The following NPAS2 variants were observed in gnomAD, a reference collection of about 807,000 sequenced individuals.
NPAS2 encodes neuronal PAS domain-containing protein 2.
A neutral mutation model predicts 107.5 loss-of-function variants in NPAS2; 23 were observed. That is an observed-to-expected ratio of 0.21 (90% CI 0.15 to 0.30). NPAS2 has a LOEUF of 0.30. Among genes scored for constraint, NPAS2 ranks in the 10% least tolerant of loss-of-function variants. The pLI is 1.00. For synonymous variants in NPAS2, 403 were observed against 417.5 expected (o/e 0.97, Z 0.42); for missense variants, 756 against 1,043.3 (o/e 0.72, Z 3.79).
At chr2:100,990,555 T>C in intron 18 of NPAS2, 109 bp downstream of exon 18, 1 of 1,235,110 alleles carries the variant, frequency 8.1e-7, no homozygotes, top group Non-Finnish European at 1.2e-6. Context: ...GATTCTAAAG[T>C]GTCCACAGTT....
At chr2:100,911,132 T>C (rs902628837) in intron 2 of NPAS2, among the ~76,000 whole-genome samples, 2 of 152,224 alleles carry the variant, frequency 1.3e-5, no homozygotes, top group Non-Finnish European at 2.9e-5. Flanking sequence ...TCTCAGCACA[T>C]TAAAGATGCT....
At chr2:100,977,593 G>A in intron 14 of NPAS2, 117 bp from the exon 15 acceptor site, 1 of 814,714 alleles carries the variant, frequency 1.2e-6, no homozygotes, top group Non-Finnish European at 2.1e-6. Flanking sequence ...TAGAACTCTT[G>A]ACTTGGAGCT....
chr2:100,988,066 A>C lies in NPAS2; in HGVS notation c.1630-13A>C, dbSNP rs375730402. 8 of 1,613,096 alleles carry C rather than the reference A, an allele frequency of 5.0e-6. No homozygotes were observed. Among genetic ancestry groups the C allele is most frequent in the Non-Finnish European group, 6.8e-6 (8 of 1,179,248 alleles). The stretch of plus-strand genomic sequence containing the variant: ...TGACCCCAACTTCACAGGCATTTCT[A>C]TTCTGCTCCCAGATGTTCCTGCAGC... On this transcript the variant is annotated splice_polypyrimidine_tract_variant and intron_variant, in intron 16 of 20. Coordinates refer to ENST00000335681, the MANE Select transcript of NPAS2 (RefSeq NM_002518.4).
In NPAS2 at chr2:100,833,909, G is replaced by A. The variant is rs116115067; in HGVS notation, c.-23+13495G>A. 7.3e-3 allele frequency among the ~76,000 whole-genome samples: 1,110 copies of A among 152,232 alleles called. 15 individuals are homozygous for A. Among genetic ancestry groups the A allele is most frequent in the African/African-American group, 0.026 (1,071 of 41,538 alleles). ...TCCCCTGAAGAATAAGGATCACCTG[G>A]TTTTCAACGGAACCAGGAGTTTATT... is the stretch of plus-strand genomic sequence containing the variant. On this transcript the variant is annotated intron_variant, in intron 1 of 20. Transcript: ENST00000335681.
intron 7 of NPAS2, among the ~76,000 whole-genome samples, chr2:100,961,126 ATTCT>A (rs1473189942): frequency 1.3e-5 from 2 of 152,186 alleles, no homozygotes; most frequent in East Asian, 3.9e-4. Flanking sequence ...AATTAGATAT[ATTCT>A]TTCTATTACT....
At chr2:100,929,250 A>G (rs771968709) in intron 3 of NPAS2, among the ~76,000 whole-genome samples, 4 of 152,160 alleles carry the variant, frequency 2.6e-5, no homozygotes, top group Non-Finnish European at 5.9e-5. Flanking sequence ...TGAGACACAC[A>G]AGGTCAAGTC....
intron 1 of NPAS2, among the ~76,000 whole-genome samples, chr2:100,867,177 G>A (rs943322571): frequency 2.0e-5 from 3 of 151,948 alleles, no homozygotes; most frequent in African/African-American, 7.3e-5. Flanking sequence ...CCCATTATTG[G>A]GTATAATATT....
chr2:100,937,619 G>A (rs779431133), intron 4 of NPAS2, 134 bp from the exon 5 acceptor site: 46 of 721,562 alleles, frequency 6.4e-5, no homozygotes, highest in African/African-American at 1.2e-4. Flanking sequence ...AAGAAGTGCC[G>A]TGAGGTTATT....
chr2:100,918,569 C>G (rs956240687), intron 2 of NPAS2, among the ~76,000 whole-genome samples: 5 of 152,006 alleles, frequency 3.3e-5, no homozygotes, highest in Admixed American at 2.6e-4. Context: ...AATAGACAAC[C>G]CAATTTTAAA....
chr2:100,970,717 G>C (rs1372758542), intron 11 of NPAS2: 1 of 348,838 alleles, frequency 2.9e-6, no homozygotes, highest in African/African-American at 2.1e-5. Context: ...AGATTTCAGG[G>C]AAGTAAAAAG....
At chr2:100,893,469 T>C (rs1178718892) in intron 1 of NPAS2, among the ~76,000 whole-genome samples, 1 of 152,164 alleles carries the variant, frequency 6.6e-6, no homozygotes, top group African/African-American at 2.4e-5. Context: ...CCAGCTAACT[T>C]GGGACCTGTA....
At chr2:100,954,404 C>A (rs1160999391) in intron 7 of NPAS2, among the ~76,000 whole-genome samples, 2 of 152,132 alleles carry the variant, frequency 1.3e-5, no homozygotes, top group Non-Finnish European at 2.9e-5. Flanking sequence ...GTGGCTCACA[C>A]CTGTAATCTC....
At chr2:100,969,251 T>C (rs1676407456) in intron 11 of NPAS2, among the ~76,000 whole-genome samples, 1 of 152,086 alleles carries the variant, frequency 6.6e-6, no homozygotes, top group Non-Finnish European at 1.5e-5. Context: ...TAGGTATATA[T>C]GTGCCATGGT....
At chr2:100,832,472 G>A (rs1156427223) in intron 1 of NPAS2, among the ~76,000 whole-genome samples, 1 of 152,196 alleles carries the variant, frequency 6.6e-6, no homozygotes, top group Non-Finnish European at 1.5e-5. Flanking sequence ...GGTGCTCTGT[G>A]AAAAATGGGG....
chr2:100,845,328 T>C (rs1446685765), intron 1 of NPAS2, among the ~76,000 whole-genome samples: 1 of 152,162 alleles, frequency 6.6e-6, no homozygotes, highest in African/African-American at 2.4e-5. Flanking sequence ...GCAGGCTGGC[T>C]CCATGCTGAT....
At chr2:100,840,513 G>A (rs1010786715) in intron 1 of NPAS2, among the ~76,000 whole-genome samples, 1 of 152,050 alleles carries the variant, frequency 6.6e-6, no homozygotes, top group Non-Finnish European at 1.5e-5. Flanking sequence ...TAAATCCACT[G>A]TGTTCACAGA....
intron 3 of NPAS2, among the ~76,000 whole-genome samples, chr2:100,925,531 C>CGAA (rs1683505703): frequency 1.3e-5 from 2 of 152,204 alleles, no homozygotes; most frequent in Non-Finnish European, 2.9e-5. Context: ...CCAAAACAAC[C>CGAA]TCACAGGTAG....
At chr2:100,891,807 C>T (rs1045712547) in intron 1 of NPAS2, among the ~76,000 whole-genome samples, 3 of 152,222 alleles carry the variant, frequency 2.0e-5, no homozygotes, top group African/African-American at 7.2e-5. Context: ...TACTTTTTCT[C>T]TCCTTGCAAA....
intron 2 of NPAS2, among the ~76,000 whole-genome samples, chr2:100,914,889 T>C (rs1682773694): frequency 6.6e-6 from 1 of 152,122 alleles, no homozygotes; most frequent in Non-Finnish European, 1.5e-5. Flanking sequence ...GGGTGCAGAT[T>C]GGGGAAGCAC....
Sources: gnomAD v4.1 joint callset for allele counts (sites outside exome capture counted in the v4.1 genomes callset) on GRCh38, gnomAD v4.1.1 for gene constraint, MANE v1.5 for transcripts, NCBI Gene and HGNC (gene_info 2026-07-23, HGNC 2026-07-21) for gene names.